Variants in RPA2 observed in about 807,000 individuals in gnomAD.
RPA2 encodes replication protein A2, also known as replication protein A 32 kDa subunit.
RPA2 carries 22 observed loss-of-function variants against 33.4 expected under a neutral mutation model. That is an observed-to-expected ratio of 0.66 (90% CI 0.47 to 0.94). RPA2 has a LOEUF of 0.94. RPA2 is among the 40% of genes least tolerant of loss of function. The pLI, the probability that RPA2 is intolerant of heterozygous loss-of-function variation, is 0.00. For missense variants in RPA2, 279 were observed against 329.9 expected (o/e 0.85, Z 1.19); for synonymous variants, 109 against 114.9 (o/e 0.95, Z 0.33).
intron 2 of RPA2, 131 bp downstream of exon 2, chr1:27,913,932 G>A (rs996400786): frequency 9.3e-6 from 8 of 860,190 alleles, no homozygotes; most frequent in Admixed American, 3.6e-5. Flanking sequence ...TATAAGAGAT[G>A]CAGATAATAA....
At chr1:27,901,146 C>G (rs992985181) in intron 4 of RPA2, among the ~76,000 whole-genome samples, 1 of 152,046 alleles carries the variant, frequency 6.6e-6, no homozygotes, top group Non-Finnish European at 1.5e-5. Flanking sequence ...GATATAATAT[C>G]GAGAAATTTT....
chr1:27,899,686 T>C (rs1014428459), intron 4 of RPA2, among the ~76,000 whole-genome samples: 2 of 151,928 alleles, frequency 1.3e-5, no homozygotes, highest in African/African-American at 4.8e-5. Context: ...GAACAATTTT[T>C]TTCTTTTTTT....
intron 2 of RPA2, 60 bp downstream of exon 2, chr1:27,914,003 T>C (rs1435747355): frequency 6.2e-6 from 9 of 1,457,556 alleles, no homozygotes; most frequent in South Asian, 1.4e-5. Context: ...GTTTCTGTCA[T>C]AGATGACTCA....
At chr1:27,909,901 C>A (rs1194318278) in intron 2 of RPA2, among the ~76,000 whole-genome samples, 1 of 152,132 alleles carries the variant, frequency 6.6e-6, no homozygotes, top group East Asian at 1.9e-4. Context: ...GTTCCTCATT[C>A]TTTACATTTG....
chr1:27,897,249 C>A, intron 5 of RPA2, 128 bp from the exon 6 acceptor site: 1 of 631,616 alleles, frequency 1.6e-6, no homozygotes, highest in Non-Finnish European at 2.7e-6. Flanking sequence ...TATATACTCT[C>A]AGAGGTATTC....
rs551987383 is a variant in RPA2, at chr1:27,914,495, T to C, written c.-52A>G. The C allele has an allele frequency of 1.2e-5, 19 of 1,594,128 alleles. No individual in the cohort carries two copies. In the South Asian group the frequency reaches 1.2e-4, roughly 10 times the overall value. ...CCGAGAAGGTGCGGGTCTGGGGGAATAGCGGAAAACCACAGAACGCGGCCG... is the reference window on the plus strand; with the variant it reads ...CCGAGAAGGTGCGGGTCTGGGGGAACAGCGGAAAACCACAGAACGCGGCCG... On this transcript the variant is annotated 5_prime_UTR_variant, in exon 1 of 9. Coordinates refer to ENST00000373912, the MANE Select transcript of RPA2 (RefSeq NM_002946.5).
In RPA2 at chr1:27,893,089, C is replaced by T. The variant is rs961032223; in HGVS notation, c.729-842G>A. Among the ~76,000 whole-genome samples the T allele has an allele frequency of 1.3e-5, 2 of 152,202 alleles. 1 individual carries two copies. The highest frequency in any genetic ancestry group is 2.9e-5 in the Non-Finnish European group (2 of 68,042). On this transcript the variant is annotated intron_variant, in intron 8 of 8. Coordinates refer to ENST00000373912, the MANE Select transcript of RPA2 (RefSeq NM_002946.5). ...GGACAGTAACAGCAACAGGACTGTA[C>T]ACCTGACGACCAGGAGCTAAGGACT...
At chr1:27,897,566 C>T in intron 5 of RPA2, 67 bp downstream of exon 5, 1 of 1,156,054 alleles carries the variant, frequency 8.7e-7, no homozygotes, top group Non-Finnish European at 1.2e-6. Context: ...TATCCAAAAG[C>T]CATGACATGA....
At chr1:27,893,972 AC>A (rs1327840471) in intron 8 of RPA2, 39 bp downstream of exon 8, 1 of 1,538,532 alleles carries the variant, frequency 6.5e-7, no homozygotes. Flanking sequence ...TGAAATAGGT[AC>A]AATGCCAGAG....
intron 2 of RPA2, among the ~76,000 whole-genome samples, chr1:27,912,375 CT>C (rs2090108245): frequency 6.7e-6 from 1 of 150,340 alleles, no homozygotes; most frequent in Non-Finnish European, 1.5e-5. Flanking sequence ...CAAATGCCAC[CT>C]CTAAAAAAAA....
At chr1:27,912,657 G>A (rs965214322) in intron 2 of RPA2, among the ~76,000 whole-genome samples, 3 of 152,190 alleles carry the variant, frequency 2.0e-5, no homozygotes, top group Non-Finnish European at 4.4e-5. Context: ...CCCGTGACAT[G>A]AGTACTACCA....
intron 4 of RPA2, among the ~76,000 whole-genome samples, chr1:27,899,396 T>TC (rs1180906425): frequency 1.3e-5 from 2 of 151,044 alleles, no homozygotes; most frequent in African/African-American, 4.9e-5. Context: ...TCCCAGCTAC[T>TC]CGGGAGGCTG....
At chr1:27,898,971 G>A (rs2089927561) in intron 4 of RPA2, among the ~76,000 whole-genome samples, 1 of 152,160 alleles carries the variant, frequency 6.6e-6, no homozygotes, top group South Asian at 2.1e-4. Context: ...ACTTTAGGAG[G>A]ACAAGGCAGG....
In RPA2 at chr1:27,897,092, G is replaced by T; in HGVS notation, c.438C>A (p.Ile146=). The change falls in exon 6 of 9, where the codon ATC becomes ATA. Residue 146 remains isoleucine (I), a synonymous_variant. Coordinates refer to ENST00000373912, the MANE Select transcript of RPA2 (RefSeq NM_002946.5). ...QNKKSLVAFK[I]MPLEDMNEFT... is the part of the protein sequence containing the mutation. ...ACTCATTCATATCCTCCAGGGGCAT[G>T]ATCTTAAAGGCTACCAGGCTCTTTT... 1.2e-6 allele frequency: 2 copies of T among 1,613,556 alleles called. No homozygotes were observed. The highest frequency in any genetic ancestry group is 2.2e-5 in the East Asian group (1 of 44,862).
At chr1:27,905,816 A>G (rs2090019788) in intron 4 of RPA2, among the ~76,000 whole-genome samples, 1 of 64,868 alleles carries the variant, frequency 1.5e-5, no homozygotes, top group East Asian at 5.7e-4. Flanking sequence ...TTTAGTAGAG[A>G]CAGGGTTTTA....
intron 4 of RPA2, among the ~76,000 whole-genome samples, chr1:27,906,382 A>C (rs12123276): frequency 0.032 from 4,846 of 151,454 alleles, 107 homozygotes; most frequent in Non-Finnish European, 0.048. Flanking sequence ...AAAAAACCAA[A>C]CAAACAAACA....
In RPA2 at chr1:27,911,998, G is replaced by A. The variant is rs556647377; in HGVS notation, c.117+2065C>T. 7.9e-5 allele frequency among the ~76,000 whole-genome samples: 12 copies of A among 152,210 alleles called. No individual in the cohort carries two copies. The East Asian group carries it at 2.3e-3, about 29-fold the overall frequency. On this transcript the variant is annotated intron_variant, in intron 2 of 8. Coordinates refer to ENST00000373912, the MANE Select transcript of RPA2 (RefSeq NM_002946.5). Reference sequence around the variant, plus strand: ...AGTCCCAGTTACTCGGGAGGCTGAGGCAGGAGAATGGCGTGAAGCCGGGAG... The same window carrying A: ...AGTCCCAGTTACTCGGGAGGCTGAGACAGGAGAATGGCGTGAAGCCGGGAG...
At chr1:27,900,717 G>A (rs1456245607) in intron 4 of RPA2, among the ~76,000 whole-genome samples, 3 of 151,680 alleles carry the variant, frequency 2.0e-5, no homozygotes, top group East Asian at 1.9e-4. Context: ...CAGGCTGGAG[G>A]GCAGTGGCAC....
chr1:27,904,154 C>G (rs537543390), intron 4 of RPA2, among the ~76,000 whole-genome samples: 1 of 128,978 alleles, frequency 7.8e-6, no homozygotes, highest in Admixed American at 7.8e-5. Context: ...AACAAGAGCA[C>G]AGCTCCATCT....
Sources: gnomAD v4.1 joint callset for allele counts (sites outside exome capture counted in the v4.1 genomes callset) on GRCh38, gnomAD v4.1.1 for gene constraint, MANE v1.5 for transcripts, NCBI Gene and HGNC (gene_info 2026-07-23, HGNC 2026-07-21) for gene names.